The following IQGAP1 variants were observed in gnomAD, a reference collection of about 807,000 sequenced individuals.
IQGAP1 encodes the protein IQ motif containing GTPase activating protein 1, also known as ras GTPase-activating-like protein IQGAP1.
Under a neutral mutation model 215.6 loss-of-function variants are expected in IQGAP1, and 66 were observed. That is an observed-to-expected ratio of 0.31 (90% confidence interval 0.25 to 0.38). IQGAP1 has a LOEUF of 0.38. IQGAP1 is among the 10% of genes least tolerant of loss of function. The probability of loss-of-function intolerance (pLI) is 1.00; values close to 1 mark genes in which losing one functional copy is unlikely to be tolerated. For synonymous variants in IQGAP1, 772 were observed against 728.7 expected, an observed-to-expected ratio of 1.06 and a Z score of -0.96; for missense variants, 1,712 against 1,997.1, an observed-to-expected ratio of 0.86 and a Z score of 2.72.
At chr15:90,469,556 G>C (rs758943952) in intron 18 of IQGAP1, among the ~76,000 whole-genome samples, 2 of 152,198 alleles carry the variant, frequency 1.3e-5, no homozygotes, top group South Asian at 4.1e-4. Flanking sequence ...ACAGAAATAT[G>C]TATCAGAGAG....
At chr15:90,425,539 C>T (rs572281736) in intron 2 of IQGAP1, among the ~76,000 whole-genome samples, 1 of 152,074 alleles carries the variant, frequency 6.6e-6, no homozygotes, top group East Asian at 1.9e-4. Context: ...CTTTTTACAA[C>T]CTCCTCCCTG....
At chr15:90,450,050 C>T (rs1250256470) in intron 11 of IQGAP1, among the ~76,000 whole-genome samples, 2 of 152,144 alleles carry the variant, frequency 1.3e-5, no homozygotes, top group African/African-American at 4.8e-5. Flanking sequence ...TTATTGTTAA[C>T]TATCATCATC....
At chr15:90,398,330 C>G (rs957078301) in intron 2 of IQGAP1, among the ~76,000 whole-genome samples, 2 of 152,024 alleles carry the variant, frequency 1.3e-5, no homozygotes, top group African/African-American at 4.8e-5. Flanking sequence ...AAGGAAAACA[C>G]CAGAAACAGA....
chr15:90,416,540 A>G (rs1198681191), intron 2 of IQGAP1, among the ~76,000 whole-genome samples: 1 of 147,052 alleles, frequency 6.8e-6, no homozygotes, highest in Non-Finnish European at 1.5e-5. Flanking sequence ...AAGTGTTCCT[A>G]TTTCTCCACA....
chr15:90,433,665 T>A lies in IQGAP1; in HGVS notation c.391-54T>A. ...TTGGATTATTGATGATTGGTGAATG[T>A]CAGATGAACACAGTGAATGGATATC... On this transcript the variant is annotated intron_variant, in intron 4 of 37. Coordinates refer to ENST00000268182, the MANE Select transcript of IQGAP1 (RefSeq NM_003870.4). 11 of 1,033,310 alleles carry A rather than the reference T, an allele frequency of 1.1e-5. No individual in the cohort carries two copies. In the South Asian group the frequency reaches 1.5e-4, roughly 14 times the overall value. 64.0% of individuals were successfully genotyped at this position (1,033,310 alleles called of 1,614,324 possible).
chr15:90,452,726 T>A (rs751585376), intron 11 of IQGAP1, 49 bp from the exon 12 acceptor site: 1 of 1,585,220 alleles, frequency 6.3e-7, no homozygotes, highest in Non-Finnish European at 8.6e-7. Context: ...CTTCTTCCCC[T>A]GAGGGCTCTC....
chr15:90,498,974 C>T (rs1165987495), intron 37 of IQGAP1, among the ~76,000 whole-genome samples: 1 of 152,196 alleles, frequency 6.6e-6, no homozygotes, highest in Non-Finnish European at 1.5e-5. Flanking sequence ...CACGCCCCAA[C>T]GCCCAGCTAA....
At chr15:90,443,835 G>A (rs771828075) in intron 9 of IQGAP1, among the ~76,000 whole-genome samples, 15 of 152,082 alleles carry the variant, frequency 9.9e-5, no homozygotes, top group Non-Finnish European at 2.2e-4. Context: ...AGGCTAAGGC[G>A]GGTGGATCAC....
intron 2 of IQGAP1, among the ~76,000 whole-genome samples, chr15:90,403,229 T>G (rs963012979): frequency 6.6e-6 from 1 of 152,192 alleles, no homozygotes; most frequent in Non-Finnish European, 1.5e-5. Flanking sequence ...TGAGCTACGA[T>G]CACACTGCTG....
chr15:90,412,451 T>A (rs1964980182), intron 2 of IQGAP1, among the ~76,000 whole-genome samples: 1 of 152,198 alleles, frequency 6.6e-6, no homozygotes, highest in Non-Finnish European at 1.5e-5. Context: ...CCTGTGTAAA[T>A]CCTTCCAAGG....
At chr15:90,443,344 C>A in intron 8 of IQGAP1, 50 bp from the exon 9 acceptor site, 1 of 1,187,558 alleles carries the variant, frequency 8.4e-7, no homozygotes, top group South Asian at 1.2e-5. Flanking sequence ...TTTATGTGGT[C>A]TTCTTAGACA....
intron 3 of IQGAP1, among the ~76,000 whole-genome samples, chr15:90,427,537 C>T (rs1429147469): frequency 6.6e-6 from 1 of 151,968 alleles, no homozygotes; most frequent in African/African-American, 2.4e-5. Flanking sequence ...GTCAGGAGTT[C>T]AAGACAAACC....
intron 18 of IQGAP1, among the ~76,000 whole-genome samples, chr15:90,467,811 A>T (rs545503769): frequency 8.5e-5 from 13 of 152,332 alleles, no homozygotes; most frequent in African/African-American, 2.9e-4. Flanking sequence ...TATAAACCAT[A>T]TGCTAAGAAA....
chr15:90,493,744 A>G (rs1978149), intron 35 of IQGAP1, among the ~76,000 whole-genome samples: 85,589 of 151,968 alleles, frequency 0.56, 25,524 homozygotes, highest in East Asian at 0.85. Context: ...GGGATGAAAA[A>G]CAGGCCCACC....
At chr15:90,492,963 C>CT (rs1451363475) in intron 35 of IQGAP1, among the ~76,000 whole-genome samples, 8 of 152,070 alleles carry the variant, frequency 5.3e-5, no homozygotes, top group Non-Finnish European at 1.2e-4. Flanking sequence ...CTTCTTGGGG[C>CT]CTGTCAAGGT....
intron 5 of IQGAP1, among the ~76,000 whole-genome samples, chr15:90,434,446 AT>A (rs1965343677): frequency 6.6e-6 from 1 of 151,948 alleles, no homozygotes; most frequent in African/African-American, 2.4e-5. Context: ...CTAAAAAAAA[AT>A]AATAATAATC....
At position 90,473,746 on chromosome 15, in the gene IQGAP1, C is replaced by T; in HGVS notation, c.2381C>T (p.Ala794Val). The T allele has an allele frequency of 6.2e-7, 1 of 1,610,354 alleles. No individual in the cohort carries two copies. ...SQWRGYKQKKAYQDRLAYLRS... is the reference protein window; with the variant it reads ...SQWRGYKQKKVYQDRLAYLRS... ...TGGAGAGGATACAAGCAGAAGAAGG[C>T]ATATCAAGATCGGTTAGCTTACCTG... The change falls in exon 20 of 38, where the codon GCA (alanine) becomes GTA (valine). Residue 794 changes from alanine to valine, a missense_variant. By Grantham distance (64) the Ala-to-Val change is moderately conservative (BLOSUM62 0). Transcript: ENST00000268182.
intron 35 of IQGAP1, chr15:90,494,496 T>C (rs894943670): frequency 2.2e-5 from 7 of 316,392 alleles, no homozygotes; most frequent in African/African-American, 1.5e-4. Context: ...TCAAATATAA[T>C]TTAAACTAAA....
At chr15:90,449,056 G>T (rs905677040) in intron 10 of IQGAP1, among the ~76,000 whole-genome samples, 3 of 151,820 alleles carry the variant, frequency 2.0e-5, no homozygotes, top group Non-Finnish European at 4.4e-5. Context: ...GCATTCTTAC[G>T]TCAGGAATTT....
Sources: allele counts gnomAD v4.1 joint callset (sites outside exome capture counted in the v4.1 genomes callset), GRCh38; gene constraint gnomAD v4.1.1; transcripts MANE v1.5; gene names NCBI Gene and HGNC (gene_info 2026-07-23, HGNC 2026-07-21).